Variants in PDK1 observed in about 807,000 individuals in gnomAD.
PDK1 encodes the protein [Pyruvate dehydrogenase (acetyl-transferring)] kinase isozyme 1, mitochondrial.
PDK1 carries 39 observed loss-of-function variants against 54.2 expected under a neutral mutation model. That is an observed-to-expected ratio of 0.72 (90% confidence interval 0.56 to 0.94). The LOEUF is 0.94. Ranked by LOEUF, PDK1 falls within the 40% of genes least tolerant of loss-of-function variation. The pLI, the probability that PDK1 is intolerant of heterozygous loss-of-function variation, is 0.00. For synonymous variants in PDK1, 221 were observed against 207.1 expected (o/e 1.07, Z -0.58); for missense variants, 552 against 566.0 (o/e 0.98, Z 0.25).
the PDK1 span, among the ~76,000 whole-genome samples, chr2:172,656,355 G>A: frequency 6.6e-6 from 1 of 152,134 alleles, no homozygotes; most frequent in Admixed American, 6.5e-5. Flanking sequence ...TGTGGGGTGG[G>A]GGACACATTC....
chr2:172,611,823 AT>A (rs1172113161), downstream of PDK1, among the ~76,000 whole-genome samples: 28 of 152,384 alleles, frequency 1.8e-4, no homozygotes, highest in African/African-American at 5.5e-4. Flanking sequence ...TAGAAGAAGC[AT>A]TTGACAAAAT....
chr2:172,687,617 A>G, the PDK1 span, among the ~76,000 whole-genome samples: 5 of 152,196 alleles, frequency 3.3e-5, no homozygotes, highest in African/African-American at 4.8e-5. Context: ...ATGGTGGATT[A>G]CATGGTGGTG....
At chr2:172,630,759 A>G in the PDK1 span, among the ~76,000 whole-genome samples, 1 of 151,900 alleles carries the variant, frequency 6.6e-6, no homozygotes, top group Non-Finnish European at 1.5e-5. Context: ...CCTCATGAGT[A>G]GCTGGGACTA....
At chr2:172,669,879 G>A in the PDK1 span, among the ~76,000 whole-genome samples, 1 of 152,096 alleles carries the variant, frequency 6.6e-6, no homozygotes, top group Non-Finnish European at 1.5e-5. Flanking sequence ...AGTAGTTTGA[G>A]TTCCTTGTAT....
the PDK1 span, among the ~76,000 whole-genome samples, chr2:172,681,242 G>A: frequency 1.3e-5 from 2 of 152,214 alleles, no homozygotes; most frequent in Non-Finnish European, 2.9e-5. Context: ...CTCTGAACCA[G>A]GGACAAAATC....
chr2:172,615,884 T>A, the PDK1 span, among the ~76,000 whole-genome samples: 1 of 152,228 alleles, frequency 6.6e-6, no homozygotes, highest in Non-Finnish European at 1.5e-5. Flanking sequence ...TCCTAAGTCT[T>A]ACTTTGCTAC....
At chr2:172,647,491 G>A in the PDK1 span, among the ~76,000 whole-genome samples, 1 of 152,112 alleles carries the variant, frequency 6.6e-6, no homozygotes, top group African/African-American at 2.4e-5. Flanking sequence ...CCAAAGTAGT[G>A]CTAATTCAAG....
At chr2:172,621,849 A>ATATGTTTATAT in the PDK1 span, among the ~76,000 whole-genome samples, 17 of 120,142 alleles carry the variant, frequency 1.4e-4, 5 homozygotes, top group Admixed American at 3.7e-4. Context: ...TATGTATGAT[A>ATATGTTTATAT]CATGTTTATA....
chr2:172,556,054 C>T (rs951710633), upstream of PDK1: 11 of 945,982 alleles, frequency 1.2e-5, no homozygotes, highest in African/African-American at 1.7e-5. Context: ...GACAGCCGAT[C>T]CCCGCCCCTG....
Position 172,600,950 on chromosome 2 carries a change from C to G in PDK1, c.*4981C>G, listed in dbSNP as rs780174822. On this transcript the variant is annotated 3_prime_UTR_variant, in exon 11 of 11. Transcript: ENST00000282077. ...CTTTTAGCTTCCTTATCTTAGTGCC[C>G]CTAAAGGGAAAGGAATGTGCTTATT... 6.6e-6 allele frequency: 1 copy of G among 152,068 alleles called. No individual in the cohort carries two copies. The highest frequency in any genetic ancestry group is 1.5e-5 in the Non-Finnish European group (1 of 68,022). The allele number at this position is 152,068 out of a possible 1,614,324, so 9.4% of individuals were successfully genotyped here.
rs750576998 is a variant in PDK1 at position 172,565,019 on chromosome 2, C to T, written c.637C>T (p.Arg213Ter). The T allele has an allele frequency of 1.7e-5, 27 of 1,612,662 alleles. No homozygotes were observed. The highest frequency in any genetic ancestry group is 1.4e-5 in the Non-Finnish European group (16 of 1,179,116). ...AAAAGGCAAAGGAAGTCCATCTCAT[C>T]GAAAACACATTGGAAGCATAAATCC... ...GGKGKGSPSH[R>*]KHIGSINPNC... is the part of the protein sequence containing the mutation. The change falls in exon 5 of 11, where the codon CGA (arginine) becomes TGA (stop). Residue 213 changes from arginine (R) to a stop codon, truncating the protein, a stop_gained. Coordinates refer to ENST00000282077, the MANE Select transcript of PDK1 (RefSeq NM_002610.5). LOFTEE classifies it high-confidence loss of function.
At chr2:172,625,877 A>G in the PDK1 span, among the ~76,000 whole-genome samples, 3 of 152,374 alleles carry the variant, frequency 2.0e-5, no homozygotes, top group East Asian at 1.9e-4. Flanking sequence ...ATATGTACAT[A>G]TATGTGCTTA....
At chr2:172,675,838 A>G in the PDK1 span, among the ~76,000 whole-genome samples, 1 of 152,182 alleles carries the variant, frequency 6.6e-6, no homozygotes, top group Non-Finnish European at 1.5e-5. Flanking sequence ...TTTCAGAATT[A>G]GAGAGAAGAA....
intron 4 of PDK1, 73 bp downstream of exon 4, chr2:172,564,760 A>G: frequency 7.5e-7 from 1 of 1,341,660 alleles, no homozygotes. Context: ...TATTTAGGAA[A>G]GTTCCATTTA....
the PDK1 span, among the ~76,000 whole-genome samples, chr2:172,679,781 C>G: frequency 6.6e-6 from 1 of 151,938 alleles, no homozygotes; most frequent in Admixed American, 6.6e-5. Context: ...AAAACAGAAA[C>G]AAGAAAGAAA....
In PDK1 at chr2:172,556,239, C is replaced by T; in HGVS notation, c.89C>T (p.Ser30Leu). 1.4e-6 allele frequency: 2 copies of T among 1,459,890 alleles called. No individual in the cohort carries two copies. Among genetic ancestry groups the T allele is most frequent in the African/African-American group, 1.5e-5 (1 of 67,182 alleles). The allele number at this position is 1,459,890 out of a possible 1,614,324, so 90.4% of individuals were successfully genotyped here. Residue 30 changes from serine (S) to leucine (L), a missense_variant, in exon 1 of 11, where the codon TCG becomes TTG. Transcript: ENST00000282077. ...GCCGGCTTCAGCCGCAGCTTCAGCT[C>T]GGACTCGGGCTCCAGCCCGGCGTCC... ...RAAGFSRSFS[S>L]DSGSSPASER...
At chr2:172,567,956 A>G (rs1188009723) in intron 6 of PDK1, among the ~76,000 whole-genome samples, 2 of 152,248 alleles carry the variant, frequency 1.3e-5, no homozygotes, top group East Asian at 1.9e-4. Flanking sequence ...ATGCTAGCTC[A>G]TATTTTTTAT....
At chr2:172,633,911 T>A in the PDK1 span, among the ~76,000 whole-genome samples, 1 of 131,494 alleles carries the variant, frequency 7.6e-6, no homozygotes, top group Non-Finnish European at 1.6e-5. Context: ...AGCCTTGCTC[T>A]CTTGTCCAGA....
At chr2:172,684,115 A>G in the PDK1 span, among the ~76,000 whole-genome samples, 1 of 152,182 alleles carries the variant, frequency 6.6e-6, no homozygotes, top group South Asian at 2.1e-4. Context: ...GGTGATAATC[A>G]TTTCTATTTT....
Sources: gnomAD v4.1 joint callset for allele counts (sites outside exome capture counted in the v4.1 genomes callset) on GRCh38, gnomAD v4.1.1 for gene constraint, MANE v1.5 for transcripts, NCBI Gene and HGNC (gene_info 2026-07-23, HGNC 2026-07-21) for gene names.